TMF1: variants seen among roughly 807,000 people sequenced by gnomAD.
The protein encoded by TMF1 is TATA element modulatory factor.
TMF1 carries 71 observed loss-of-function variants against 126.5 expected under a neutral mutation model. The ratio of observed to expected loss-of-function variants is 0.56; its 90% CI spans 0.46 to 0.68. TMF1 has a LOEUF of 0.68. Among genes scored for constraint, TMF1 ranks in the 30% least tolerant of loss-of-function variants. The pLI is 0.00. For missense variants in TMF1, 1,259 were observed against 1,253.2 expected, an observed-to-expected ratio of 1.00 and a Z score of -0.07; for synonymous variants, 461 against 430.5, an observed-to-expected ratio of 1.07 and a Z score of -0.88.
intron 10 of TMF1, among the ~76,000 whole-genome samples, chr3:69,031,628 C>T (rs6801855): frequency 0.99 from 150,367 of 152,336 alleles, 74,240 homozygotes; most frequent in Non-Finnish European, 1. Flanking sequence ...ATTATATCAA[C>T]AAAAATTTTC....
chr3:69,033,807 A>T, intron 9 of TMF1, 103 bp from the exon 10 acceptor site: 2 of 1,077,030 alleles, frequency 1.9e-6, no homozygotes, highest in Non-Finnish European at 2.6e-6. Flanking sequence ...TTATTTTTCC[A>T]AGAGAAAATA....
At chr3:69,043,942 C>A in intron 3 of TMF1, 66 bp from the exon 4 acceptor site, 1 of 1,314,518 alleles carries the variant, frequency 7.6e-7, no homozygotes, top group South Asian at 1.7e-5. Flanking sequence ...TACATGAGTT[C>A]AATTCTCAAA....
At chr3:69,029,441 TTTAA>T (rs2091787227) in intron 11 of TMF1, among the ~76,000 whole-genome samples, 1 of 101,444 alleles carries the variant, frequency 9.9e-6, no homozygotes, top group Admixed American at 1.3e-4. Context: ...TATTTACTTA[TTTAA>T]TTTATTTTTT....
In TMF1 at chr3:69,025,602, C is replaced by T. The variant is rs766598547; in HGVS notation, c.2970G>A (p.Gln990=). 1.2e-6 allele frequency: 2 copies of T among 1,613,964 alleles called. No individual in the cohort carries two copies. Among genetic ancestry groups the T allele is most frequent in the Non-Finnish European group, 1.7e-6 (2 of 1,179,932 alleles). The part of the protein sequence containing the change: ...GAGSSIIENL[Q]SQLKLREGEI... ...CCCCTTCCCTTAGCTTTAGCTGAGACTGTAGGTTTTCAATTATGCTTGATC... is the reference window on the plus strand; with the variant it reads ...CCCCTTCCCTTAGCTTTAGCTGAGATTGTAGGTTTTCAATTATGCTTGATC... The change falls in exon 15 of 17, where the codon CAG becomes CAA. Residue 990 remains glutamine, a synonymous_variant. Coordinates refer to ENST00000398559, the MANE Select transcript of TMF1 (RefSeq NM_007114.3).
At chr3:69,033,273 C>CAAAA (rs34778745) in intron 10 of TMF1, among the ~76,000 whole-genome samples, 4 of 85,612 alleles carry the variant, frequency 4.7e-5, no homozygotes, top group Non-Finnish European at 7.1e-5. Flanking sequence ...GACTCCATCT[C>CAAAA]AAAAAAAAAA....
chr3:69,027,231 A>G (rs1375080871), intron 13 of TMF1, among the ~76,000 whole-genome samples: 1 of 152,104 alleles, frequency 6.6e-6, no homozygotes, highest in Non-Finnish European at 1.5e-5. Context: ...CTTAGCCTCA[A>G]GTGATCCACC....
At chr3:69,025,733 C>A (rs758576751) in intron 14 of TMF1, 21 bp from the exon 15 acceptor site, 139 of 1,604,086 alleles carry the variant, frequency 8.7e-5, no homozygotes, top group Admixed American at 2.6e-4. Flanking sequence ...TAAGAAAGTT[C>A]ACACAGTTAC....
Position 69,020,454 on chromosome 3 carries a change from T to C in TMF1, c.*2723A>G, listed in dbSNP as rs571962341. 2.0e-4 allele frequency: 30 copies of C among 152,296 alleles called. No individual in the cohort carries two copies. Among genetic ancestry groups the C allele is most frequent in the African/African-American group, 7.2e-4 (30 of 41,576 alleles). 9.4% of individuals were successfully genotyped at this position (152,296 alleles called of 1,614,324 possible). On this transcript the variant is annotated 3_prime_UTR_variant, in exon 17 of 17. Coordinates refer to ENST00000398559, the MANE Select transcript of TMF1 (RefSeq NM_007114.3). ...TATAAATGACCAAACAACCTTCCCT[T>C]TGTTTACTCATTTTTTTATATTCTT...
rs1427631243 is a variant in TMF1 at position 69,020,464 on chromosome 3, ATTTT to A, written c.*2709_*2712del. 1 of 152,054 alleles carries A rather than the reference ATTTT, an allele frequency of 6.6e-6. No homozygotes were observed. Among genetic ancestry groups the A allele is most frequent in the Non-Finnish European group, 1.5e-5 (1 of 67,958 alleles). 9.4% of individuals were successfully genotyped at this position (152,054 alleles called of 1,614,324 possible). ...CAAACAACCTTCCCTTTGTTTACTC[ATTTT>A]TTTATATTCTTGAAAATGTTATTTG... On this transcript the variant is annotated 3_prime_UTR_variant, in exon 17 of 17. Coordinates refer to ENST00000398559, the MANE Select transcript of TMF1 (RefSeq NM_007114.3).
intron 2 of TMF1, among the ~76,000 whole-genome samples, chr3:69,046,101 C>T (rs752183025): frequency 6.6e-6 from 1 of 152,060 alleles, no homozygotes; most frequent in Non-Finnish European, 1.5e-5. Context: ...AGAGAGAGAC[C>T]CTGTCTCATT....
intron 15 of TMF1, chr3:69,024,964 G>T (rs2091760170): frequency 6.6e-6 from 1 of 152,066 alleles, no homozygotes. Context: ...AGATTTCAGA[G>T]CTGGGATGCT....
intron 1 of TMF1, chr3:69,048,871 G>A: frequency 4.4e-6 from 1 of 228,708 alleles, no homozygotes; most frequent in Non-Finnish European, 8.5e-6. Flanking sequence ...GGAAGTAACA[G>A]TATATGTTTT....
intron 6 of TMF1, 107 bp downstream of exon 6, chr3:69,039,444 A>G: frequency 8.1e-7 from 1 of 1,236,924 alleles, no homozygotes; most frequent in Non-Finnish European, 1.1e-6. Flanking sequence ...AATCCTTCTT[A>G]CATGATATAC....
intron 15 of TMF1, 137 bp downstream of exon 15, chr3:69,025,423 G>A (rs2091762560): frequency 2.7e-6 from 2 of 735,658 alleles, no homozygotes; most frequent in African/African-American, 1.8e-5. Flanking sequence ...TGATATATGT[G>A]ATACATTTTG....
chr3:69,047,783 C>G lies in TMF1; in HGVS notation c.922G>C (p.Asp308His). The change falls in exon 2 of 17, where the codon GAT becomes CAT. Residue 308 changes from aspartate (D) to histidine (H), a missense_variant. Transcript: ENST00000398559. ...CTCTCAGTGAGTTTTTGGAAATCAT[C>G]TAAACGATTATATTCAGGACAAGCA... ...ASACPEYNRLDDFQKLTESCC... is the reference protein window; with the variant it reads ...ASACPEYNRLHDFQKLTESCC... 6.2e-7 allele frequency: 1 copy of G among 1,614,022 alleles called. No individual in the cohort carries two copies. The highest frequency in any genetic ancestry group is 8.5e-7 in the Non-Finnish European group (1 of 1,180,012).
Position 69,042,834 on chromosome 3 carries a change from C to T in TMF1, c.1657G>A (p.Glu553Lys). The change falls in exon 5 of 17, where the codon GAG becomes AAG. Residue 553 changes from glutamate (E) to lysine (K), a missense_variant. Physicochemically the swap from Glu to Lys is moderately conservative, Grantham distance 56. Transcript: ENST00000398559. ...ETADLLKEKD[E>K]QIRGLMEEGE... ...TCTTCCATTAACCCTCGGATCTGCT[C>T]ATCTTTCTCTTTCAAAAGGTCTGCA... 1.9e-6 allele frequency: 3 copies of T among 1,613,642 alleles called. No individual in the cohort carries two copies. Among genetic ancestry groups the T allele is most frequent in the Non-Finnish European group, 2.5e-6 (3 of 1,179,834 alleles).
intron 13 of TMF1, among the ~76,000 whole-genome samples, chr3:69,027,440 T>C (rs2091775208): frequency 6.6e-6 from 1 of 152,170 alleles, no homozygotes; most frequent in Admixed American, 6.5e-5. Context: ...GGCAAGAGGT[T>C]TTATATTTCA....
At chr3:69,046,397 G>A (rs1434750577) in intron 2 of TMF1, among the ~76,000 whole-genome samples, 2 of 152,086 alleles carry the variant, frequency 1.3e-5, no homozygotes, top group Non-Finnish European at 1.5e-5. Context: ...ATTAGTGCTG[G>A]TTTCTAAGAA....
chr3:69,039,050 T>C (rs1471704724), intron 6 of TMF1, 41 bp from the exon 7 acceptor site: 1 of 1,378,284 alleles, frequency 7.3e-7, no homozygotes, highest in African/African-American at 1.5e-5. Flanking sequence ...TTTCAAGAAA[T>C]AATACCATGG....
Sources: gnomAD v4.1 joint callset for allele counts (sites outside exome capture counted in the v4.1 genomes callset) on GRCh38, gnomAD v4.1.1 for gene constraint, MANE v1.5 for transcripts, NCBI Gene and HGNC (gene_info 2026-07-23, HGNC 2026-07-21) for gene names.